Variants in DLG1 observed in about 807,000 individuals in gnomAD.
DLG1 encodes the protein discs large MAGUK scaffold protein 1.
A neutral mutation model predicts 123.4 loss-of-function variants in DLG1; 42 were observed. The observed-to-expected ratio is 0.34, with a 90% CI of 0.27 to 0.44. The LOEUF (loss-of-function observed/expected upper bound fraction) is 0.44. Among genes scored for constraint, DLG1 ranks in the 20% least tolerant of loss-of-function variants. The pLI is 1.00. For synonymous variants in DLG1, 317 were observed against 356.2 expected (o/e 0.89, Z 1.24); for missense variants, 942 against 1,082.6 (o/e 0.87, Z 1.82).
intron 4 of DLG1, among the ~76,000 whole-genome samples, chr3:197,201,227 C>T (rs963131774): frequency 8.5e-5 from 13 of 152,112 alleles, no homozygotes; most frequent in African/African-American, 2.9e-4. Flanking sequence ...ACTAAAAATA[C>T]AAAAAATTTA....
intron 11 of DLG1, among the ~76,000 whole-genome samples, chr3:197,121,577 C>CTT (rs959915488): frequency 7.3e-5 from 11 of 151,688 alleles, no homozygotes; most frequent in Admixed American, 4.6e-4. Flanking sequence ...CAACAGACTT[C>CTT]TTTTTTTTCC....
At chr3:197,082,962 A>C (rs947674028) in intron 16 of DLG1, among the ~76,000 whole-genome samples, 2 of 152,242 alleles carry the variant, frequency 1.3e-5, no homozygotes, top group Non-Finnish European at 2.9e-5. Context: ...AAGAACCAAG[A>C]CAATTTTTAG....
chr3:197,190,837 C>T (rs999361932), intron 5 of DLG1, among the ~76,000 whole-genome samples: 6 of 152,118 alleles, frequency 3.9e-5, no homozygotes, highest in South Asian at 4.1e-4. Flanking sequence ...GGTGAAACCC[C>T]GTCTCTACTA....
At chr3:197,134,851 G>T (rs1231956543) in intron 10 of DLG1, among the ~76,000 whole-genome samples, 2 of 152,230 alleles carry the variant, frequency 1.3e-5, no homozygotes, top group Admixed American at 1.3e-4. Flanking sequence ...CTGCGCCCAG[G>T]GGAGTTGGGT....
upstream of DLG1, chr3:197,299,086 G>T (rs991438170): frequency 6.6e-6 from 1 of 152,292 alleles, no homozygotes; most frequent in Non-Finnish European, 1.5e-5. Flanking sequence ...CTCGGCCAGC[G>T]CTGCAGGTTT....
rs767008168 is a variant in DLG1, at chr3:197,138,325, A to G, written c.780T>C (p.Val260=). 1 of 1,602,122 alleles carries G rather than the reference A, an allele frequency of 6.2e-7. No individual in the cohort carries two copies. Among genetic ancestry groups the G allele is most frequent in the Admixed American group, 1.7e-5 (1 of 59,564 alleles). The change falls in exon 9 of 25, where the codon GTT becomes GTC. Residue 260 remains valine (V), a synonymous_variant. Coordinates refer to ENST00000667157, the MANE Select transcript of DLG1 (RefSeq NM_001366207.1). ...TAGACCCTGCTTCTTTCAACGCTTC[A>G]ACTGCTTTGCTATGTGTTACATCAC... ...DVRDVTHSKA[V]EALKEAGSIV...
At chr3:197,167,756 C>T (rs1032340586) in intron 5 of DLG1, among the ~76,000 whole-genome samples, 5 of 152,172 alleles carry the variant, frequency 3.3e-5, no homozygotes, top group Non-Finnish European at 5.9e-5. Context: ...GATGAGTTTG[C>T]ACATAGGCAT....
chr3:197,046,215 G>A (rs112583442), intron 24 of DLG1, among the ~76,000 whole-genome samples: 4 of 152,026 alleles, frequency 2.6e-5, no homozygotes, highest in Admixed American at 6.6e-5. Context: ...ACAACAGCAC[G>A]CAAGGATTTA....
chr3:197,133,103 C>T (rs1783480509), intron 10 of DLG1, among the ~76,000 whole-genome samples: 3 of 152,210 alleles, frequency 2.0e-5, no homozygotes, highest in South Asian at 2.1e-4. Flanking sequence ...CTGGTATTCA[C>T]ACCCTTGTAA....
At chr3:197,125,635 G>A (rs1778663129) in intron 11 of DLG1, among the ~76,000 whole-genome samples, 1 of 152,160 alleles carries the variant, frequency 6.6e-6, no homozygotes, top group South Asian at 2.1e-4. Context: ...GGTGATGAAA[G>A]TTAATAATTA....
intron 14 of DLG1, among the ~76,000 whole-genome samples, chr3:197,095,380 C>T (rs530163904): frequency 1.1e-4 from 17 of 152,012 alleles, no homozygotes; most frequent in African/African-American, 3.1e-4. Flanking sequence ...TTAGTTGTCA[C>T]GTCTTTTTAG....
chr3:197,180,814 T>C (rs1809856318), intron 5 of DLG1, among the ~76,000 whole-genome samples: 1 of 151,872 alleles, frequency 6.6e-6, no homozygotes, highest in Admixed American at 6.6e-5. Context: ...AGAGAGAAGA[T>C]CCAATCAATA....
chr3:197,159,812 A>G (rs146933761), intron 5 of DLG1, among the ~76,000 whole-genome samples: 5 of 152,354 alleles, frequency 3.3e-5, no homozygotes, highest in Non-Finnish European at 5.9e-5. Context: ...CCTAAAGTGA[A>G]GCTATGCAGA....
intron 5 of DLG1, among the ~76,000 whole-genome samples, chr3:197,151,177 A>G (rs542954141): frequency 1.2e-3 from 184 of 152,300 alleles, no homozygotes; most frequent in African/African-American, 4.2e-3. Flanking sequence ...TAATAATACA[A>G]CTTCACTTTA....
intron 23 of DLG1, among the ~76,000 whole-genome samples, chr3:197,057,881 CTT>C (rs1256305705): frequency 1.3e-5 from 2 of 151,996 alleles, no homozygotes; most frequent in African/African-American, 4.8e-5. Context: ...AAAGAGAACA[CTT>C]TTGGCTTTGT....
At chr3:197,153,346 G>C (rs1361414270) in intron 5 of DLG1, among the ~76,000 whole-genome samples, 1 of 152,150 alleles carries the variant, frequency 6.6e-6, no homozygotes, top group Non-Finnish European at 1.5e-5. Flanking sequence ...TTGGAACTTG[G>C]AGTCTACTGA....
chr3:197,143,477 C>T (rs1197013968), intron 6 of DLG1, among the ~76,000 whole-genome samples: 2 of 152,038 alleles, frequency 1.3e-5, no homozygotes, highest in African/African-American at 4.8e-5. Flanking sequence ...AGGATGGTCT[C>T]GATCTTCTGA....
At chr3:197,106,536 T>C (rs1324507523) in intron 13 of DLG1, among the ~76,000 whole-genome samples, 3 of 151,658 alleles carry the variant, frequency 2.0e-5, no homozygotes, top group Admixed American at 6.6e-5. Flanking sequence ...ATACAATGTA[T>C]AAACAGTTCT....
chr3:197,167,371 C>T (rs561573892), intron 5 of DLG1, among the ~76,000 whole-genome samples: 6 of 152,276 alleles, frequency 3.9e-5, no homozygotes, highest in Non-Finnish European at 5.9e-5. Context: ...ATGGGATATA[C>T]TCATACAAAA....
Sources: allele counts gnomAD v4.1 joint callset (sites outside exome capture counted in the v4.1 genomes callset), GRCh38; gene constraint gnomAD v4.1.1; transcripts MANE v1.5; gene names NCBI Gene and HGNC (gene_info 2026-07-23, HGNC 2026-07-21).